Variants in DLG2 observed in about 807,000 individuals in gnomAD.
DLG2 encodes disks large homolog 2.
In DLG2, 45 loss-of-function variants were observed where a neutral mutation model predicts 132.5. That is an observed-to-expected ratio of 0.34 (90% CI 0.27 to 0.44). The LOEUF (loss-of-function observed/expected upper bound fraction) is 0.44, where lower values mean the gene tolerates loss of function less well. Ranked by LOEUF, DLG2 falls within the 20% of genes least tolerant of loss-of-function variation. The probability of loss-of-function intolerance (pLI) is 1.00; values close to 1 mark genes in which losing one functional copy is unlikely to be tolerated. For synonymous variants in DLG2, 424 were observed against 419.6 expected, an observed-to-expected ratio of 1.01 and a Z score of -0.13; for missense variants, 1,045 against 1,196.9, an observed-to-expected ratio of 0.87 and a Z score of 1.87.
intron 8 of DLG2, among the ~76,000 whole-genome samples, chr11:84,203,021 T>G (rs1266534112): frequency 6.6e-6 from 1 of 152,182 alleles, no homozygotes; most frequent in East Asian, 1.9e-4. Flanking sequence ...GGTGGGAGTG[T>G]AAATTAGTTC....
At chr11:85,461,277 C>G (rs1360903318) in intron 3 of DLG2, among the ~76,000 whole-genome samples, 1 of 152,142 alleles carries the variant, frequency 6.6e-6, no homozygotes, top group Admixed American at 6.5e-5. Flanking sequence ...TTATATACTC[C>G]ATTTGAATGT....
At chr11:84,601,437 C>T (rs1365976177) in intron 6 of DLG2, among the ~76,000 whole-genome samples, 1 of 151,988 alleles carries the variant, frequency 6.6e-6, no homozygotes, top group African/African-American at 2.4e-5. Context: ...AGCTTTAATC[C>T]AACAATCATT....
At chr11:84,594,802 T>A (rs1332238094) in intron 6 of DLG2, among the ~76,000 whole-genome samples, 1 of 152,220 alleles carries the variant, frequency 6.6e-6, no homozygotes, top group Admixed American at 6.5e-5. Flanking sequence ...ACTGCAATTA[T>A]GGAACTGTTG....
chr11:85,505,352 T>G (rs1598050025), intron 3 of DLG2, among the ~76,000 whole-genome samples: 2 of 152,192 alleles, frequency 1.3e-5, no homozygotes, highest in South Asian at 4.1e-4. Flanking sequence ...ATATTGGCTG[T>G]GGGTTTGTCA....
At chr11:83,793,402 T>C (rs2042048467) in intron 17 of DLG2, among the ~76,000 whole-genome samples, 1 of 152,224 alleles carries the variant, frequency 6.6e-6, no homozygotes, top group Admixed American at 6.5e-5. Flanking sequence ...CAAACTATAG[T>C]TTAATCTTTA....
intron 3 of DLG2, among the ~76,000 whole-genome samples, chr11:85,497,290 T>C (rs1407219838): frequency 4.0e-5 from 6 of 151,234 alleles, no homozygotes; most frequent in East Asian, 2.0e-4. Context: ...ATACACAAAC[T>C]TCAATAGCCA....
chr11:85,039,101 G>A (rs538009408), intron 6 of DLG2, among the ~76,000 whole-genome samples: 2 of 151,950 alleles, frequency 1.3e-5, no homozygotes, highest in Admixed American at 1.3e-4. Flanking sequence ...TTAGATTCTA[G>A]TAAGTAGTCA....
intron 3 of DLG2, among the ~76,000 whole-genome samples, chr11:85,458,834 T>C (rs780778588): frequency 2.6e-5 from 4 of 152,216 alleles, no homozygotes; most frequent in Non-Finnish European, 4.4e-5. Flanking sequence ...TTTGAAAGTA[T>C]GGGTTCCTCT....
chr11:83,569,655 G>T (rs1290431002), intron 19 of DLG2, among the ~76,000 whole-genome samples: 1 of 152,130 alleles, frequency 6.6e-6, no homozygotes, highest in Non-Finnish European at 1.5e-5. Context: ...GTCAAACCCA[G>T]GGATAGTTTC....
chr11:84,652,276 T>C (rs1300014057), intron 6 of DLG2, among the ~76,000 whole-genome samples: 1 of 152,160 alleles, frequency 6.6e-6, no homozygotes, highest in Non-Finnish European at 1.5e-5. Context: ...TCGAGTTTTG[T>C]AATAGTCTAA....
chr11:84,681,360 A>G (rs1469452449), intron 6 of DLG2, among the ~76,000 whole-genome samples: 1 of 152,176 alleles, frequency 6.6e-6, no homozygotes, highest in East Asian at 1.9e-4. Context: ...AAAGATGGAC[A>G]ACCTGAAGTT....
chr11:84,073,777 A>G (rs2096788178), intron 10 of DLG2, among the ~76,000 whole-genome samples: 1 of 152,204 alleles, frequency 6.6e-6, no homozygotes, highest in African/African-American at 2.4e-5. Context: ...CAAGTATACC[A>G]TGTGGCAAAC....
intron 4 of DLG2, among the ~76,000 whole-genome samples, chr11:85,203,552 A>T (rs975804888): frequency 1.3e-5 from 2 of 152,058 alleles, no homozygotes; most frequent in Admixed American, 1.3e-4. Context: ...AGTAATAAAA[A>T]GTCTCCTATC....
At chr11:84,925,462 C>G (rs2092943238) in intron 6 of DLG2, among the ~76,000 whole-genome samples, 1 of 152,112 alleles carries the variant, frequency 6.6e-6, no homozygotes, top group African/African-American at 2.4e-5. Context: ...AGTGCTATAC[C>G]TGTAGATTTA....
intron 4 of DLG2, among the ~76,000 whole-genome samples, chr11:85,189,587 A>G (rs2080378621): frequency 6.6e-6 from 1 of 152,206 alleles, no homozygotes; most frequent in African/African-American, 2.4e-5. Flanking sequence ...CATAGACTAG[A>G]TGTGGTTGGA....
chr11:85,202,830 T>A (rs1156271094), intron 4 of DLG2, among the ~76,000 whole-genome samples: 1 of 151,858 alleles, frequency 6.6e-6, no homozygotes, highest in Non-Finnish European at 1.5e-5. Context: ...ATGAAAATTT[T>A]AAAAATTCTC....
intron 4 of DLG2, among the ~76,000 whole-genome samples, chr11:85,174,451 G>A (rs1171093125): frequency 6.6e-6 from 1 of 152,018 alleles, no homozygotes. Context: ...AGAATCTCTG[G>A]GAAACAACTA....
At chr11:85,462,735 G>A (rs1303544123) in intron 3 of DLG2, among the ~76,000 whole-genome samples, 1 of 151,804 alleles carries the variant, frequency 6.6e-6, no homozygotes, top group Admixed American at 6.6e-5. Context: ...ACACCAACAT[G>A]CCACATGTAT....
chr11:84,121,925 A>C (rs2093942521), intron 9 of DLG2, among the ~76,000 whole-genome samples: 1 of 152,000 alleles, frequency 6.6e-6, no homozygotes, highest in African/African-American at 2.4e-5. Context: ...AATAATGCTG[A>C]GAGATAGAGA....
Sources: allele counts gnomAD v4.1 joint callset (sites outside exome capture counted in the v4.1 genomes callset), GRCh38; gene constraint gnomAD v4.1.1; transcripts MANE v1.5; gene names NCBI Gene and HGNC (gene_info 2026-07-23, HGNC 2026-07-21).